The following ABTB2 variants were observed in gnomAD, a reference collection of about 807,000 sequenced individuals.
ABTB2 encodes the protein ankyrin repeat and BTB domain containing 2.
ABTB2 carries 56 observed loss-of-function variants against 104.1 expected under a neutral mutation model. The observed-to-expected ratio is 0.54, with a 90% CI of 0.43 to 0.67. The LOEUF is 0.67. ABTB2 is among the 30% of genes least tolerant of loss of function. The pLI, the probability that ABTB2 is intolerant of heterozygous loss-of-function variation, is 0.00. For missense variants in ABTB2, 1,279 were observed against 1,407.7 expected (o/e 0.91, Z 1.46); for synonymous variants, 606 against 608.2 (o/e 1.00, Z 0.05).
At chr11:34,309,612 T>C (rs1051547143) in intron 1 of ABTB2, among the ~76,000 whole-genome samples, 2 of 152,010 alleles carry the variant, frequency 1.3e-5, no homozygotes, top group African/African-American at 2.4e-5. Flanking sequence ...TCCCCAAATT[T>C]GACAACAATC....
In ABTB2 at chr11:34,208,806, C is replaced by A. The variant is rs142064418; in HGVS notation, c.884-4116G>T. On this transcript the variant is annotated intron_variant, in intron 1 of 16. Coordinates refer to ENST00000435224, the MANE Select transcript of ABTB2 (RefSeq NM_145804.3). ...TTCTCATCCACCTCCCATCAACCAC[C>A]AAGCCTTGCTGCTTTTACCACCAAC... Among the ~76,000 whole-genome samples, 50 of 152,190 alleles carry A rather than the reference C, an allele frequency of 3.3e-4. No individual in the cohort carries two copies. The East Asian group carries it at 7.9e-3, about 24-fold the overall frequency.
intron 1 of ABTB2, among the ~76,000 whole-genome samples, chr11:34,294,946 C>A (rs577379909): frequency 6.6e-6 from 1 of 152,118 alleles, no homozygotes; most frequent in East Asian, 1.9e-4. Context: ...AAACTCCTGA[C>A]CTCGTGATCC....
intron 2 of ABTB2, among the ~76,000 whole-genome samples, chr11:34,199,653 C>T (rs996178423): frequency 1.2e-4 from 18 of 152,210 alleles, no homozygotes; most frequent in South Asian, 4.1e-4. Flanking sequence ...GAGGCTCCCC[C>T]GGAGGTCAGC....
intron 1 of ABTB2, among the ~76,000 whole-genome samples, chr11:34,250,021 T>C (rs1187484513): frequency 6.6e-6 from 1 of 152,294 alleles, no homozygotes; most frequent in African/African-American, 2.4e-5. Flanking sequence ...GAGCTGGTCC[T>C]GGAAGATAGA....
intron 1 of ABTB2, among the ~76,000 whole-genome samples, chr11:34,341,184 C>T (rs901700890): frequency 2.6e-5 from 4 of 152,206 alleles, no homozygotes; most frequent in Non-Finnish European, 4.4e-5. Context: ...ATAGTCACAT[C>T]ATCCCTGGGA....
chr11:34,264,387 C>T (rs779215185), intron 1 of ABTB2, among the ~76,000 whole-genome samples: 2 of 152,328 alleles, frequency 1.3e-5, no homozygotes, highest in East Asian at 3.9e-4. Context: ...GGTCTGGATA[C>T]AGCCAGTGTT....
intron 16 of ABTB2, among the ~76,000 whole-genome samples, chr11:34,153,373 T>G (rs1852575511): frequency 6.6e-6 from 1 of 151,810 alleles, no homozygotes; most frequent in African/African-American, 2.4e-5. Flanking sequence ...TGTACTTTTT[T>G]GGGGGGCGGG....
chr11:34,195,075 C>CGGGGGGGGGGGGGGGGGGGG (rs1461939590), intron 3 of ABTB2, among the ~76,000 whole-genome samples: 1 of 18,064 alleles, frequency 5.5e-5, no homozygotes, highest in Admixed American at 6.6e-4. Context: ...AGATGCCCGG[C>CGGGGGGGGGGGGGGGGGGGG]GGGGGGGGGG....
intron 1 of ABTB2, among the ~76,000 whole-genome samples, chr11:34,281,371 C>T (rs1418633196): frequency 6.6e-6 from 1 of 152,214 alleles, no homozygotes; most frequent in Non-Finnish European, 1.5e-5. Flanking sequence ...CAGCTGCCCA[C>T]ACCCAAGCCT....
chr11:34,260,001 G>A (rs1417641027), intron 1 of ABTB2, among the ~76,000 whole-genome samples: 1 of 152,070 alleles, frequency 6.6e-6, no homozygotes, highest in Non-Finnish European at 1.5e-5. Context: ...TAGAGGTGGG[G>A]TTTTGCCATG....
intron 2 of ABTB2, among the ~76,000 whole-genome samples, chr11:34,199,882 A>G (rs1853314766): frequency 6.6e-6 from 1 of 152,118 alleles, no homozygotes; most frequent in African/African-American, 2.4e-5. Flanking sequence ...TTAATGTCCT[A>G]TTATTATTAT....
At chr11:34,233,487 A>C (rs1014723052) in intron 1 of ABTB2, among the ~76,000 whole-genome samples, 1 of 151,894 alleles carries the variant, frequency 6.6e-6, no homozygotes, top group Non-Finnish European at 1.5e-5. Context: ...ATTAGCTGGG[A>C]CCACAGGGGT....
chr11:34,181,726 A>C (rs775574276), intron 3 of ABTB2, among the ~76,000 whole-genome samples: 1 of 152,200 alleles, frequency 6.6e-6, no homozygotes, highest in South Asian at 2.1e-4. Context: ...ACTGTGCCAC[A>C]GGCTTGCTTC....
chr11:34,265,288 T>C (rs1476330802), intron 1 of ABTB2, among the ~76,000 whole-genome samples: 2 of 152,212 alleles, frequency 1.3e-5, no homozygotes, highest in African/African-American at 2.4e-5. Context: ...GCAATGTCAC[T>C]GAAGCAGCTA....
rs774128642 is a variant in ABTB2 at position 34,197,486 on chromosome 11, G to A, written c.1083C>T (p.Cys361=). The A allele has an allele frequency of 5.7e-6, 9 of 1,581,166 alleles. No homozygotes were observed. The Admixed American group carries it at 7.0e-5, about 12-fold the overall frequency. ...CCTGGCGGGCAGGGCTGGCACCCGGGCACAGGGGGTGACGCCCCTGCATGT... is the reference window on the plus strand; with the variant it reads ...CCTGGCGGGCAGGGCTGGCACCCGGACACAGGGGGTGACGCCCCTGCATGT... The part of the protein sequence containing the change: ...MHHMQGRHPL[C]PGASPARQAR... The change falls in exon 3 of 17, where the codon TGC becomes TGT. Residue 361 remains cysteine, a synonymous_variant. Coordinates refer to ENST00000435224, the MANE Select transcript of ABTB2 (RefSeq NM_145804.3).
At chr11:34,248,096 TAAAA>T (rs1157412906) in intron 1 of ABTB2, among the ~76,000 whole-genome samples, 1 of 116,232 alleles carries the variant, frequency 8.6e-6, no homozygotes, top group African/African-American at 3.0e-5. Context: ...TAATTTTTCT[TAAAA>T]AAAAAAAAAA....
intron 1 of ABTB2, among the ~76,000 whole-genome samples, chr11:34,274,024 C>T (rs1481853523): frequency 2.0e-5 from 3 of 150,316 alleles, no homozygotes; most frequent in Admixed American, 6.6e-5. Context: ...CGGTGGCGGG[C>T]GCCTGTAGTC....
chr11:34,323,990 T>C (rs1023793092), intron 1 of ABTB2, among the ~76,000 whole-genome samples: 47 of 145,444 alleles, frequency 3.2e-4, no homozygotes, highest in African/African-American at 1.2e-3. Flanking sequence ...CTTGGTTCAC[T>C]GCAATCTCTG....
chr11:34,351,108 A>G (rs777631272), intron 1 of ABTB2, among the ~76,000 whole-genome samples: 2 of 152,170 alleles, frequency 1.3e-5, no homozygotes, highest in Non-Finnish European at 2.9e-5. Flanking sequence ...TGGGATAAGG[A>G]CAAAGCTGAG....
Sources: gnomAD v4.1 joint callset for allele counts (sites outside exome capture counted in the v4.1 genomes callset) on GRCh38, gnomAD v4.1.1 for gene constraint, MANE v1.5 for transcripts, NCBI Gene and HGNC (gene_info 2026-07-23, HGNC 2026-07-21) for gene names.